Variants in NFIA observed in about 807,000 individuals in gnomAD.
NFIA encodes nuclear factor I A.
A neutral mutation model predicts 62.8 loss-of-function variants in NFIA; 8 were observed. The observed-to-expected ratio is 0.13, with a 90% CI of 0.07 to 0.23. The LOEUF is 0.23. Among genes scored for constraint, NFIA ranks in the 10% least tolerant of loss-of-function variants. The probability of loss-of-function intolerance (pLI) is 1.00; values close to 1 mark genes in which losing one functional copy is unlikely to be tolerated. For synonymous variants in NFIA, 235 were observed against 238.1 expected (o/e 0.99, Z 0.12); for missense variants, 410 against 642.1 (o/e 0.64, Z 3.91).
intron 2 of NFIA, among the ~76,000 whole-genome samples, chr1:61,099,256 T>C (rs1646468917): frequency 6.6e-6 from 1 of 151,948 alleles, no homozygotes; most frequent in African/African-American, 2.4e-5. Flanking sequence ...GGTGCTGGAG[T>C]GGGGTGGGGA....
chr1:61,125,779 A>G (rs763732913), intron 2 of NFIA, among the ~76,000 whole-genome samples: 2 of 152,206 alleles, frequency 1.3e-5, no homozygotes, highest in Non-Finnish European at 2.9e-5. Context: ...TCTACTTTGT[A>G]CACATAATAT....
intron 7 of NFIA, among the ~76,000 whole-genome samples, chr1:61,401,761 C>T (rs911851444): frequency 1.3e-5 from 2 of 152,056 alleles, no homozygotes; most frequent in African/African-American, 4.8e-5. Context: ...ATATTCTCAG[C>T]CTAGTTTGGG....
chr1:61,229,278 A>G (rs537904031), intron 2 of NFIA, among the ~76,000 whole-genome samples: 5 of 152,282 alleles, frequency 3.3e-5, no homozygotes, highest in South Asian at 2.1e-4. Flanking sequence ...ATAAATTACT[A>G]TGTCATTTTT....
intron 2 of NFIA, among the ~76,000 whole-genome samples, chr1:61,139,902 A>G (rs915073919): frequency 4.7e-5 from 7 of 148,992 alleles, no homozygotes; most frequent in South Asian, 4.3e-4. Context: ...AAAAAAAAAA[A>G]GTTGGTATCT....
chr1:61,388,820 A>G (rs1436541020), intron 7 of NFIA, among the ~76,000 whole-genome samples: 1 of 152,186 alleles, frequency 6.6e-6, no homozygotes, highest in East Asian at 1.9e-4. Context: ...TTCTCATACA[A>G]AAACAAGTAT....
intron 2 of NFIA, among the ~76,000 whole-genome samples, chr1:61,097,978 G>T (rs1034945988): frequency 2.0e-5 from 3 of 152,182 alleles, no homozygotes; most frequent in Admixed American, 2.0e-4. Flanking sequence ...ATGGCTTTCA[G>T]TGTTGAGATG....
At chr1:61,138,565 GTTTATTTA>G (rs111808933) in intron 2 of NFIA, among the ~76,000 whole-genome samples, 74 of 142,584 alleles carry the variant, frequency 5.2e-4, no homozygotes, top group African/African-American at 8.4e-4. Flanking sequence ...TTGTTTGTTT[GTTTATTTA>G]TTTATTTATT....
At position 61,277,433 on chromosome 1, in the gene NFIA, G is replaced by A; in HGVS notation, c.560-87G>A. ...TAATGTTCCCTTTCTTAGTTTATAGGTTGAACCTTTTGAGAAAGTCTGGCA... is the reference window on the plus strand; with the variant it reads ...TAATGTTCCCTTTCTTAGTTTATAGATTGAACCTTTTGAGAAAGTCTGGCA... On this transcript the variant is annotated intron_variant, in intron 2 of 10. Transcript: ENST00000403491. 3.2e-6 allele frequency: 4 copies of A among 1,233,348 alleles called. No homozygotes were observed. The South Asian group carries it at 3.7e-5, about 12-fold the overall frequency. The allele number at this position is 1,233,348 out of a possible 1,614,324, so 76.4% of individuals were successfully genotyped here.
intron 4 of NFIA, among the ~76,000 whole-genome samples, chr1:61,336,764 C>G (rs778069084): frequency 3.9e-5 from 6 of 152,172 alleles, no homozygotes; most frequent in Admixed American, 1.3e-4. Context: ...CCTACAATCT[C>G]TGACTGTTTT....
chr1:61,303,129 T>C (rs1270707434), intron 3 of NFIA, among the ~76,000 whole-genome samples: 3 of 152,214 alleles, frequency 2.0e-5, no homozygotes, highest in Admixed American at 2.0e-4. Flanking sequence ...TCATCTTCAT[T>C]CTCTTTTTAT....
chr1:61,358,059 C>T (rs778469730), intron 5 of NFIA, among the ~76,000 whole-genome samples: 7 of 151,934 alleles, frequency 4.6e-5, no homozygotes, highest in Non-Finnish European at 7.4e-5. Flanking sequence ...GTTTCTTGAC[C>T]GTACCTCTCC....
chr1:61,369,142 G>A (rs1475819707), intron 6 of NFIA, among the ~76,000 whole-genome samples: 1 of 152,178 alleles, frequency 6.6e-6, no homozygotes, highest in East Asian at 1.9e-4. Context: ...CGTAATATCA[G>A]AGTCGAATCT....
chr1:61,459,835 G>A lies in NFIA; in HGVS notation c.*4515G>A, dbSNP rs1259055620. 1 of 152,102 alleles carries A rather than the reference G, an allele frequency of 6.6e-6. No individual in the cohort carries two copies. Among genetic ancestry groups the A allele is most frequent in the Non-Finnish European group, 1.5e-5 (1 of 68,022 alleles). The allele number at this position is 152,102 out of a possible 1,614,324, so 9.4% of individuals were successfully genotyped here. On this transcript the variant is annotated 3_prime_UTR_variant, in exon 11 of 11. Coordinates refer to ENST00000403491, the MANE Select transcript of NFIA (RefSeq NM_001134673.4). ...TATGAATTTTTTTTGTTTTTTAGGGGAAAGGGATTCTAAGAATGTCATTTA... is the reference window on the plus strand; with the variant it reads ...TATGAATTTTTTTTGTTTTTTAGGGAAAAGGGATTCTAAGAATGTCATTTA...
At chr1:61,359,372 A>C in intron 6 of NFIA, 98 bp downstream of exon 6, 219 of 1,535,356 alleles carry the variant, frequency 1.4e-4, no homozygotes, top group Non-Finnish European at 1.8e-4. Flanking sequence ...AAGAAAGCTC[A>C]AGGTAGTTCA....
rs1455366425 is a variant in NFIA, at chr1:61,145,373, G to A, written c.559+56693G>A. 3.4e-4 allele frequency among the ~76,000 whole-genome samples: 52 copies of A among 152,074 alleles called. 1 individual carries two copies. The highest frequency in any genetic ancestry group is 3.3e-3 in the Admixed American group (51 of 15,258). ...GAGGATGTTTTCTCAAAATCTGTAG[G>A]GTCTGGTTGGTCACATAACCTTTCA... On this transcript the variant is annotated intron_variant, in intron 2 of 10. Transcript: ENST00000403491.
chr1:61,393,477 C>G (rs1665115760), intron 7 of NFIA, among the ~76,000 whole-genome samples: 2 of 151,296 alleles, frequency 1.3e-5, no homozygotes, highest in African/African-American at 2.4e-5. Flanking sequence ...AAAAGAGCAG[C>G]TTTTCAACAA....
chr1:61,108,511 A>G (rs534980749), intron 2 of NFIA, among the ~76,000 whole-genome samples: 43 of 151,834 alleles, frequency 2.8e-4, no homozygotes, highest in African/African-American at 9.6e-4. Context: ...TATTTCGATA[A>G]TCATATCAAA....
At chr1:61,305,766 G>A (rs1192182524) in intron 3 of NFIA, among the ~76,000 whole-genome samples, 1 of 151,786 alleles carries the variant, frequency 6.6e-6, no homozygotes, top group African/African-American at 2.4e-5. Context: ...GTTAGTAAAA[G>A]AATATGGCCA....
At chr1:61,329,189 A>C (rs1202296055) in intron 3 of NFIA, among the ~76,000 whole-genome samples, 2 of 150,892 alleles carry the variant, frequency 1.3e-5, no homozygotes, top group African/African-American at 4.9e-5. Flanking sequence ...CTGGGATTAC[A>C]AGCGTGCGCC....
Sources: allele counts gnomAD v4.1 joint callset (sites outside exome capture counted in the v4.1 genomes callset), GRCh38; gene constraint gnomAD v4.1.1; transcripts MANE v1.5; gene names NCBI Gene and HGNC (gene_info 2026-07-23, HGNC 2026-07-21).